Variants in WWP2 observed in about 807,000 individuals in gnomAD.
The protein encoded by WWP2 is WW domain containing E3 ubiquitin protein ligase 2.
Under a neutral mutation model 121.0 loss-of-function variants are expected in WWP2, and 57 were observed. The ratio of observed to expected loss-of-function variants is 0.47; its 90% CI spans 0.38 to 0.59. WWP2 has a LOEUF of 0.59. Ranked by LOEUF, WWP2 falls within the 20% of genes least tolerant of loss-of-function variation. The pLI, the probability that WWP2 is intolerant of heterozygous loss-of-function variation, is 0.00. For synonymous variants in WWP2, 449 were observed against 441.3 expected, an observed-to-expected ratio of 1.02 and a Z score of -0.22; for missense variants, 962 against 1,158.9, an observed-to-expected ratio of 0.83 and a Z score of 2.47.
At chr16:69,780,905 G>A (rs2055650590) in intron 1 of WWP2, among the ~76,000 whole-genome samples, 1 of 152,160 alleles carries the variant, frequency 6.6e-6, no homozygotes, top group African/African-American at 2.4e-5. Context: ...GCAAATGCCT[G>A]TAGTCCCAGC....
intron 4 of WWP2, among the ~76,000 whole-genome samples, chr16:69,814,794 A>G (rs1296280600): frequency 1.3e-5 from 2 of 152,158 alleles, no homozygotes; most frequent in Non-Finnish European, 2.9e-5. Context: ...GGTCTTGAGC[A>G]GCTGTACCTG....
chr16:69,771,306 T>C (rs570518889), intron 1 of WWP2, among the ~76,000 whole-genome samples: 1 of 152,300 alleles, frequency 6.6e-6, no homozygotes, highest in Non-Finnish European at 1.5e-5. Flanking sequence ...TGGAGTGCAG[T>C]GTGCTATCTT....
At chr16:69,922,415 C>T (rs2058576634) in intron 10 of WWP2, among the ~76,000 whole-genome samples, 1 of 152,232 alleles carries the variant, frequency 6.6e-6, no homozygotes, top group Non-Finnish European at 1.5e-5. Context: ...CTCTCATGAG[C>T]TCTCTGGCTC....
intron 6 of WWP2, among the ~76,000 whole-genome samples, chr16:69,865,560 C>G (rs1480185684): frequency 6.6e-6 from 1 of 152,048 alleles, no homozygotes; most frequent in African/African-American, 2.4e-5. Context: ...CTACCTGAAA[C>G]CAAAAAGCAG....
At chr16:69,774,080 G>A (rs1405535298) in intron 1 of WWP2, among the ~76,000 whole-genome samples, 2 of 152,006 alleles carry the variant, frequency 1.3e-5, no homozygotes, top group South Asian at 2.1e-4. Context: ...TAATTCAGAT[G>A]TCTAGAAAGG....
chr16:69,844,312 A>G (rs1201081223), intron 6 of WWP2, among the ~76,000 whole-genome samples: 3 of 152,180 alleles, frequency 2.0e-5, no homozygotes, highest in Non-Finnish European at 2.9e-5. Flanking sequence ...AAGCTAGAAC[A>G]GCGGTGGGCG....
intron 8 of WWP2, among the ~76,000 whole-genome samples, chr16:69,908,319 A>G (rs1158723847): frequency 6.6e-6 from 1 of 152,190 alleles, no homozygotes; most frequent in Non-Finnish European, 1.5e-5. Flanking sequence ...GAGGGCCTAT[A>G]GATGATCTTG....
At position 69,937,035 on chromosome 16, in the gene WWP2, C is replaced by T. The variant is rs2058810026; in HGVS notation, c.2118-83C>T. The T allele has an allele frequency of 2.5e-5, 39 of 1,538,664 alleles. No homozygotes were observed. Among genetic ancestry groups the T allele is most frequent in the South Asian group, 1.1e-4 (9 of 81,040 alleles). ...GCTCTGCTGATCTGGTGGTCCTGCG[C>T]GGTAACGGCCACGCGGCCTGGCCGG... On this transcript the variant is annotated intron_variant, in intron 19 of 23. Coordinates refer to ENST00000359154, the MANE Select transcript of WWP2 (RefSeq NM_001270454.2). This position sits in a 1 kb window ranked among gnomAD's most constrained non-coding sequence, Gnocchi z 6.6.
intron 4 of WWP2, among the ~76,000 whole-genome samples, chr16:69,835,915 G>C (rs2056868930): frequency 6.6e-6 from 1 of 151,212 alleles, no homozygotes; most frequent in African/African-American, 2.4e-5. Flanking sequence ...TGATTCTCCT[G>C]CCTTAGCCTC....
At position 69,762,333 on chromosome 16, in the gene WWP2, C is replaced by T. The variant is rs562599350; in HGVS notation, c.-74C>T. ...GCGGTCACGTGACCCGGCCCGAGTG[C>T]GGGCGGTGGAAGGCGGAAGTAGGAG... On this transcript the variant is annotated 5_prime_UTR_variant, in exon 1 of 24. Coordinates refer to ENST00000359154, the MANE Select transcript of WWP2 (RefSeq NM_001270454.2). The T allele has an allele frequency of 3.9e-4, 59 of 151,822 alleles. No individual in the cohort carries two copies. The highest frequency in any genetic ancestry group is 1.2e-3 in the South Asian group (6 of 5,150). The allele number at this position is 151,822 out of a possible 1,614,324, so 9.4% of individuals were successfully genotyped here. A position where few individuals can be genotyped will look rare whatever the true frequency, so the allele number is the denominator to read the frequency against.
chr16:69,809,866 GA>G (rs1268268396), intron 4 of WWP2, among the ~76,000 whole-genome samples: 2 of 151,988 alleles, frequency 1.3e-5, no homozygotes, highest in Admixed American at 6.6e-5. Context: ...GAAAGAAAAG[GA>G]AAAAGCTTTG....
chr16:69,926,637 C>G (rs1301719939), intron 11 of WWP2, among the ~76,000 whole-genome samples: 1 of 152,096 alleles, frequency 6.6e-6, no homozygotes, highest in Non-Finnish European at 1.5e-5. Context: ...CCAGAAGGGC[C>G]TTCTGGTCCT....
intron 8 of WWP2, among the ~76,000 whole-genome samples, chr16:69,901,672 G>T (rs1268985427): frequency 6.6e-6 from 1 of 152,164 alleles, no homozygotes; most frequent in Admixed American, 6.5e-5. Context: ...TACTAATAAT[G>T]CCCAGTGCTT....
intron 4 of WWP2, among the ~76,000 whole-genome samples, chr16:69,817,528 G>T (rs1036714974): frequency 2.0e-5 from 3 of 152,194 alleles, no homozygotes; most frequent in African/African-American, 7.2e-5. Context: ...GGGATTACAG[G>T]TGTGAGCTAC....
At chr16:69,914,915 G>A (rs548408248) in intron 9 of WWP2, among the ~76,000 whole-genome samples, 55 of 152,240 alleles carry the variant, frequency 3.6e-4, no homozygotes, top group African/African-American at 1.2e-3. Flanking sequence ...ATGATTTATC[G>A]CACCAAATCC....
chr16:69,848,325 C>T (rs1444631970), intron 6 of WWP2, among the ~76,000 whole-genome samples: 4 of 152,086 alleles, frequency 2.6e-5, no homozygotes, highest in African/African-American at 9.7e-5. Flanking sequence ...TGGCGCATGC[C>T]TGTAATCCCG....
At chr16:69,793,911 CTTTTTTTTTTTTT>C (rs71151135) in intron 2 of WWP2, among the ~76,000 whole-genome samples, 2 of 62,312 alleles carry the variant, frequency 3.2e-5, no homozygotes, top group African/African-American at 1.2e-4. Context: ...ATTATCCTTG[CTTTTTTTTTTTTT>C]TTTTTTTTTT....
chr16:69,931,401 G>T, intron 14 of WWP2, 108 bp from the exon 15 acceptor site: 1 of 1,511,616 alleles, frequency 6.6e-7, no homozygotes, highest in Non-Finnish European at 9.1e-7. Flanking sequence ...TAGGGCACAT[G>T]CTATTGCCTC....
chr16:69,763,365 T>C (rs2038659498), intron 1 of WWP2, among the ~76,000 whole-genome samples: 1 of 152,190 alleles, frequency 6.6e-6, no homozygotes, highest in Non-Finnish European at 1.5e-5. Context: ...TGAGATTGAA[T>C]ACTTGTGTTA....
Sources: allele counts gnomAD v4.1 joint callset (sites outside exome capture counted in the v4.1 genomes callset), GRCh38; gene constraint gnomAD v4.1.1; non-coding constraint Gnocchi (gnomAD v3.1); transcripts MANE v1.5; gene names NCBI Gene and HGNC (gene_info 2026-07-23, HGNC 2026-07-21).